ASB4: variants seen among roughly 807,000 people sequenced by gnomAD.
The protein encoded by ASB4 is ankyrin repeat and SOCS box protein 4.
Under a neutral mutation model 38.6 loss-of-function variants are expected in ASB4, and 35 were observed. The ratio of observed to expected loss-of-function variants is 0.91; its 90% CI spans 0.69 to 1.20. ASB4 has a LOEUF of 1.20. ASB4 is among the 50% of genes most tolerant of loss of function. The pLI, the probability that ASB4 is intolerant of heterozygous loss-of-function variation, is 0.00. For missense variants in ASB4, 557 were observed against 527.2 expected (o/e 1.06, Z -0.55); for synonymous variants, 195 against 201.3 (o/e 0.97, Z 0.26).
At chr7:95,472,487 C>A in the ASB4 span, among the ~76,000 whole-genome samples, 2 of 152,160 alleles carry the variant, frequency 1.3e-5, no homozygotes, top group Admixed American at 1.3e-4. Context: ...CCGGGGGAAA[C>A]AAGGTTCTAT....
rs191915990 is a variant in ASB4 at position 95,529,779 on chromosome 7, C to T, written c.978+1476C>T. Among the ~76,000 whole-genome samples the T allele has an allele frequency of 1.2e-3, 185 of 152,210 alleles. 2 individuals carry two copies. The highest frequency in any genetic ancestry group is 4.3e-4 in the Non-Finnish European group (29 of 68,014). On this transcript the variant is annotated intron_variant, in intron 3 of 4. Coordinates refer to ENST00000325885, the MANE Select transcript of ASB4 (RefSeq NM_016116.3). ...TGTTGAGCTCTAAATAGGTTTTATA[C>T]AGACTATTTCATTTTATTTTTATAA...
At chr7:95,543,581 G>A (rs1790997610), downstream of ASB4, 3 of 152,342 alleles carry the variant, frequency 2.0e-5, no homozygotes, top group African/African-American at 4.8e-5. Context: ...GACCTGAAGA[G>A]GGGTGGGGTT....
At chr7:95,481,361 GA>G (rs146164007), upstream of ASB4, among the ~76,000 whole-genome samples, 154 of 147,948 alleles carry the variant, frequency 1.0e-3, 1 homozygote, top group South Asian at 0.031. Context: ...GCAAAAAAAG[GA>G]AAAAAAAACA....
At chr7:95,524,762 A>C (rs1391270020) in intron 2 of ASB4, among the ~76,000 whole-genome samples, 2 of 152,204 alleles carry the variant, frequency 1.3e-5, no homozygotes, top group Non-Finnish European at 2.9e-5. Flanking sequence ...GGAGACACAA[A>C]TGAGACAGCC....
chr7:95,551,215 G>A, the ASB4 span, among the ~76,000 whole-genome samples: 66 of 152,186 alleles, frequency 4.3e-4, no homozygotes, highest in African/African-American at 1.3e-3. Context: ...TCCTCACCTC[G>A]GGACATCCAC....
intron 1 of ASB4, among the ~76,000 whole-genome samples, chr7:95,493,744 G>A (rs894980770): frequency 1.3e-5 from 2 of 151,988 alleles, no homozygotes; most frequent in Non-Finnish European, 2.9e-5. Flanking sequence ...TGTTCTCAGT[G>A]TTTACAAATG....
intron 2 of ASB4, among the ~76,000 whole-genome samples, chr7:95,525,922 T>C (rs1355509152): frequency 1.3e-5 from 2 of 152,176 alleles, no homozygotes; most frequent in Non-Finnish European, 2.9e-5. Flanking sequence ...TGAGTTTGTA[T>C]AGGATATTGA....
chr7:95,548,455 AGAAT>A, the ASB4 span, among the ~76,000 whole-genome samples: 2 of 152,212 alleles, frequency 1.3e-5, no homozygotes, highest in African/African-American at 4.8e-5. Flanking sequence ...TACTGTTTTA[AGAAT>A]GAATGAATGT....
chr7:95,485,942 C>G (rs1790082148), upstream of ASB4: 2 of 1,603,330 alleles, frequency 1.2e-6, no homozygotes, highest in African/African-American at 1.3e-5. Flanking sequence ...CTCGATAAAT[C>G]ACAACAAAGC....
chr7:95,513,146 T>C (rs1353515068), intron 2 of ASB4, among the ~76,000 whole-genome samples: 8 of 151,950 alleles, frequency 5.3e-5, no homozygotes, highest in Non-Finnish European at 1.0e-4. Context: ...GGTCACGAAA[T>C]GTGGGAAGCC....
rs1790918522 is a variant in ASB4 at position 95,537,921 on chromosome 7, G to T, written c.*162G>T. The T allele has an allele frequency of 5.0e-6, 3 of 599,328 alleles. No homozygotes were observed. Among genetic ancestry groups the T allele is most frequent in the African/African-American group, 3.7e-5 (2 of 54,042 alleles). 37.1% of individuals were successfully genotyped at this position (599,328 alleles called of 1,614,324 possible). A position where few individuals can be genotyped will look rare whatever the true frequency, so the allele number is the denominator to read the frequency against. ...TAATCCTAGAATATCATGGTATGGG[G>T]AAATAAAGAAGAAGTAAAGTTAAGG... On this transcript the variant is annotated 3_prime_UTR_variant, in exon 5 of 5. Transcript: ENST00000325885.
intron 3 of ASB4, among the ~76,000 whole-genome samples, chr7:95,529,574 T>G (rs1486928944): frequency 6.6e-6 from 1 of 152,208 alleles, no homozygotes; most frequent in Non-Finnish European, 1.5e-5. Flanking sequence ...TCAGCAATCC[T>G]GTGATCTCAA....
Position 95,538,947 on chromosome 7 carries a change from G to A in ASB4, c.*1188G>A, listed in dbSNP as rs182175247. ...GAGAGACTTTTTGAAAATGGTAAAA[G>A]TTTGAGAAACTTGGGAAGATTAGTG... On this transcript the variant is annotated 3_prime_UTR_variant, in exon 5 of 5. Coordinates refer to ENST00000325885, the MANE Select transcript of ASB4 (RefSeq NM_016116.3). 5.9e-5 allele frequency: 9 copies of A among 152,294 alleles called. No individual in the cohort carries two copies. The East Asian group carries it at 1.7e-3, about 29-fold the overall frequency. The allele number at this position is 152,294 out of a possible 1,614,324, so 9.4% of individuals were successfully genotyped here.
intron 2 of ASB4, among the ~76,000 whole-genome samples, chr7:95,518,645 T>C (rs548208909): frequency 3.7e-4 from 56 of 152,320 alleles, no homozygotes; most frequent in African/African-American, 1.2e-3. Context: ...AAGGGTAAGA[T>C]AGAGATTAAA....
chr7:95,537,366 T>C (rs1667848591), intron 4 of ASB4, among the ~76,000 whole-genome samples: 1 of 152,202 alleles, frequency 6.6e-6, no homozygotes, highest in Admixed American at 6.5e-5. Flanking sequence ...GGGTTCTGAA[T>C]TGTAGAATGT....
intron 3 of ASB4, among the ~76,000 whole-genome samples, chr7:95,532,911 A>C (rs1443528856): frequency 6.6e-6 from 1 of 152,222 alleles, no homozygotes; most frequent in African/African-American, 2.4e-5. Flanking sequence ...CTGGGCTGGC[A>C]AGGTCAAAAG....
At chr7:95,513,610 A>G (rs910146775) in intron 2 of ASB4, among the ~76,000 whole-genome samples, 1 of 152,192 alleles carries the variant, frequency 6.6e-6, no homozygotes, top group African/African-American at 2.4e-5. Flanking sequence ...ACAACATCAC[A>G]GAAACATCCA....
chr7:95,538,738 A>G lies in ASB4; in HGVS notation c.*979A>G, dbSNP rs1790930426. ...CTTTCCCAGACTCCTTGAGAAAAAT[A>G]TTGCACACTCAATGGCTCCAGTGCA... On this transcript the variant is annotated 3_prime_UTR_variant, in exon 5 of 5. Coordinates refer to ENST00000325885, the MANE Select transcript of ASB4 (RefSeq NM_016116.3). 6.6e-6 allele frequency: 1 copy of G among 152,090 alleles called. No homozygotes were observed. Among genetic ancestry groups the G allele is most frequent in the Non-Finnish European group, 1.5e-5 (1 of 68,012 alleles). The allele number at this position is 152,090 out of a possible 1,614,324, so 9.4% of individuals were successfully genotyped here.
In ASB4 at chr7:95,495,739, T is replaced by A. The variant is rs371005051; in HGVS notation, c.188-19T>A. ...TCAAGAAGTTAAACTTTCCTTTTCC[T>A]TTTTTTTTTTTTTTTCAGGTTACTG... On this transcript the variant is annotated intron_variant, in intron 1 of 4. Transcript: ENST00000325885. 1 of 44,234 alleles carries A rather than the reference T, an allele frequency of 2.3e-5. No homozygotes were observed. The highest frequency in any genetic ancestry group is 2.8e-5 in the Non-Finnish European group (1 of 35,760). 2.7% of individuals were successfully genotyped at this position (44,234 alleles called of 1,614,324 possible). A position where few individuals can be genotyped will look rare whatever the true frequency, so the allele number is the denominator to read the frequency against.
Sources: gnomAD v4.1 joint callset for allele counts (sites outside exome capture counted in the v4.1 genomes callset) on GRCh38, gnomAD v4.1.1 for gene constraint, MANE v1.5 for transcripts, NCBI Gene and HGNC (gene_info 2026-07-23, HGNC 2026-07-21) for gene names.